Variants in TMCO4 observed in about 807,000 individuals in gnomAD.
TMCO4 encodes the protein transmembrane and coiled-coil domain-containing protein 4.
Under a neutral mutation model 64.7 loss-of-function variants are expected in TMCO4, and 58 were observed. The observed-to-expected ratio is 0.90, with a 90% CI of 0.73 to 1.12. The LOEUF (loss-of-function observed/expected upper bound fraction) is 1.12. Among genes scored for constraint, TMCO4 ranks in the 50% most tolerant of loss-of-function variants. TMCO4 has a pLI of 0.00. For missense variants in TMCO4, 780 were observed against 825.9 expected, an observed-to-expected ratio of 0.94 and a Z score of 0.68; for synonymous variants, 325 against 346.1, an observed-to-expected ratio of 0.94 and a Z score of 0.68.
At chr1:19,688,779 G>A (rs147314068) in intron 15 of TMCO4, among the ~76,000 whole-genome samples, 31 of 152,308 alleles carry the variant, frequency 2.0e-4, no homozygotes, top group Admixed American at 1.6e-3. Context: ...GACTTACCCC[G>A]TAAAACATGT....
At chr1:19,710,028 G>A (rs1371926920) in intron 13 of TMCO4, among the ~76,000 whole-genome samples, 5 of 151,818 alleles carry the variant, frequency 3.3e-5, no homozygotes, top group Non-Finnish European at 2.9e-5. Flanking sequence ...TGTTCTGCCC[G>A]CTTCAGCCTC....
intron 13 of TMCO4, among the ~76,000 whole-genome samples, chr1:19,736,021 T>C (rs2095452714): frequency 6.6e-6 from 1 of 152,082 alleles, no homozygotes; most frequent in Admixed American, 6.6e-5. Flanking sequence ...ACCTCCTGGG[T>C]GTTCCAGCTC....
At position 19,732,598 on chromosome 1, in the gene TMCO4, A is replaced by C. The variant is rs528114750; in HGVS notation, c.1264+4774T>G. Reference sequence around the variant, plus strand: ...GAAACTATCAGGCTGATTAATAACAAAGACAGTGGGGGCTGGGCATGGTGG... The same window carrying C: ...GAAACTATCAGGCTGATTAATAACACAGACAGTGGGGGCTGGGCATGGTGG... On this transcript the variant is annotated intron_variant, in intron 13 of 15. Coordinates refer to ENST00000294543, the MANE Select transcript of TMCO4 (RefSeq NM_181719.7). This position sits in a 1 kb window ranked among gnomAD's most constrained non-coding sequence, Gnocchi z 4.8. 6.6e-6 allele frequency among the ~76,000 whole-genome samples: 1 copy of C among 152,164 alleles called. No homozygotes were observed. The highest frequency in any genetic ancestry group is 2.1e-4 in the South Asian group (1 of 4,814).
chr1:19,707,216 G>A (rs902715318), intron 13 of TMCO4, among the ~76,000 whole-genome samples: 47 of 152,226 alleles, frequency 3.1e-4, no homozygotes, highest in Admixed American at 3.1e-3. Context: ...GTGATGTGGG[G>A]CCTGGTGGGA....
chr1:19,684,088 T>TTA lies in TMCO4; in HGVS notation c.1501-645_1501-644insTA, dbSNP rs1451996432. ...CTTTTTTTTTTTTTTTTTTTTTTTTTAAGGGATGGGCTTTTTGTTAAAATA... is the reference window on the plus strand; with the variant it reads ...CTTTTTTTTTTTTTTTTTTTTTTTTTTAAAGGGATGGGCTTTTTGTTAAAATA... On this transcript the variant is annotated intron_variant, in intron 15 of 15. Transcript: ENST00000294543. Among the ~76,000 whole-genome samples, 3 of 122,920 alleles carry TTA rather than the reference T, an allele frequency of 2.4e-5. No individual in the cohort carries two copies. The East Asian group carries it at 7.2e-4, about 30-fold the overall frequency. 80.6% of individuals were successfully genotyped at this position (122,920 alleles called of 152,430 possible).
At chr1:19,784,845 T>TAAAAAAAAA (rs34693780) in intron 3 of TMCO4, among the ~76,000 whole-genome samples, 1 of 97,846 alleles carries the variant, frequency 1.0e-5, no homozygotes, top group Non-Finnish European at 1.9e-5. Flanking sequence ...GCTGATGCAC[T>TAAAAAAAAA]AAAAAAAAAA....
intron 7 of TMCO4, among the ~76,000 whole-genome samples, chr1:19,755,409 C>T (rs938103416): frequency 3.3e-5 from 5 of 152,184 alleles, no homozygotes; most frequent in African/African-American, 1.2e-4. Context: ...GCCACCATGC[C>T]TGGCACATTT....
In TMCO4 at chr1:19,683,201, C is replaced by CT; in HGVS notation, c.1743dup (p.Ala582SerfsTer11). 2.5e-6 allele frequency: 4 copies of CT among 1,614,232 alleles called. No homozygotes were observed. The highest frequency in any genetic ancestry group is 3.4e-6 in the Non-Finnish European group (4 of 1,180,034). ...TGGTCCAGCCCTACTGGCACCTGGGCTTGGCTGGGGTCTGTGGACATGGCC... is the reference window on the plus strand; with the variant it reads ...TGGTCCAGCCCTACTGGCACCTGGGCTTTGGCTGGGGTCTGTGGACATGGCC... On this transcript the variant is annotated frameshift_variant, in exon 16 of 16. Coordinates refer to ENST00000294543, the MANE Select transcript of TMCO4 (RefSeq NM_181719.7). LOFTEE classifies it low-confidence loss of function (END_TRUNC).
At chr1:19,730,168 C>T (rs1398097611) in intron 13 of TMCO4, among the ~76,000 whole-genome samples, 1 of 152,186 alleles carries the variant, frequency 6.6e-6, no homozygotes, top group African/African-American at 2.4e-5. Flanking sequence ...CTTGCTTTGG[C>T]CAATGAAATG....
chr1:19,763,657 T>A (rs1301223703), intron 6 of TMCO4, among the ~76,000 whole-genome samples: 1 of 152,218 alleles, frequency 6.6e-6, no homozygotes, highest in African/African-American at 2.4e-5. Context: ...GTCACATTCA[T>A]ATAACTGCTA....
intron 14 of TMCO4, among the ~76,000 whole-genome samples, chr1:19,699,553 C>T (rs2095258368): frequency 6.7e-6 from 1 of 149,528 alleles, no homozygotes; most frequent in Non-Finnish European, 1.5e-5. Flanking sequence ...TCTCCCAGGC[C>T]CTCCAGCCAA....
intron 13 of TMCO4, among the ~76,000 whole-genome samples, chr1:19,735,187 T>C (rs2095448299): frequency 6.6e-6 from 1 of 152,158 alleles, no homozygotes; most frequent in Admixed American, 6.5e-5. Flanking sequence ...CTGTGCACAG[T>C]AGGTCCTCAG....
intron 13 of TMCO4, among the ~76,000 whole-genome samples, chr1:19,735,667 G>A (rs2095450932): frequency 6.6e-6 from 1 of 152,240 alleles, no homozygotes; most frequent in African/African-American, 2.4e-5. Flanking sequence ...AATGGTTCAT[G>A]GTAATTAATT....
chr1:19,727,487 C>A (rs775723264), intron 13 of TMCO4, among the ~76,000 whole-genome samples: 4 of 152,306 alleles, frequency 2.6e-5, no homozygotes, highest in Non-Finnish European at 5.9e-5. Context: ...TAGCTGTCAA[C>A]TCCCTAAAGC....
rs934716399 is a variant in TMCO4 at position 19,702,315 on chromosome 1, G to A, written c.1265-1430C>T. Among the ~76,000 whole-genome samples, 172 of 148,390 alleles carry A rather than the reference G, an allele frequency of 1.2e-3. 1 individual carries two copies. The highest frequency in any genetic ancestry group is 3.6e-3 in the Middle Eastern group (1 of 278). ...AAAAAAAAAAAAAAAGTCAGGGCCCGGCACAGTCGCTTATGCCTGTAATCC... is the reference window on the plus strand; with the variant it reads ...AAAAAAAAAAAAAAAGTCAGGGCCCAGCACAGTCGCTTATGCCTGTAATCC... On this transcript the variant is annotated intron_variant, in intron 13 of 15. Transcript: ENST00000294543.
At chr1:19,751,831 G>A (rs962112175) in intron 7 of TMCO4, among the ~76,000 whole-genome samples, 10 of 152,080 alleles carry the variant, frequency 6.6e-5, no homozygotes, top group African/African-American at 1.9e-4. Flanking sequence ...GGTGGATCAC[G>A]AGGTCAGGAG....
intron 13 of TMCO4, among the ~76,000 whole-genome samples, chr1:19,722,976 G>A (rs2095392248): frequency 6.6e-6 from 1 of 152,106 alleles, no homozygotes; most frequent in Admixed American, 6.6e-5. Context: ...CAAGCGTGAG[G>A]ACACTGATGG....
intron 13 of TMCO4, among the ~76,000 whole-genome samples, chr1:19,705,403 A>G (rs1344474034): frequency 1.3e-5 from 2 of 152,144 alleles, no homozygotes; most frequent in East Asian, 1.9e-4. Flanking sequence ...GTGAGCTAAG[A>G]TGGTACCACT....
At chr1:19,773,105 G>T (rs374443108) in intron 4 of TMCO4, among the ~76,000 whole-genome samples, 3 of 152,134 alleles carry the variant, frequency 2.0e-5, no homozygotes, top group South Asian at 2.1e-4. Flanking sequence ...CACAAGAGTC[G>T]CTTGAACCCA....
Sources: gnomAD v4.1 joint callset for allele counts (sites outside exome capture counted in the v4.1 genomes callset) on GRCh38, gnomAD v4.1.1 for gene constraint, Gnocchi (gnomAD v3.1) non-coding constraint, MANE v1.5 for transcripts, NCBI Gene and HGNC (gene_info 2026-07-23, HGNC 2026-07-21) for gene names.